The following SPDYA variants were observed in gnomAD, a reference collection of about 807,000 sequenced individuals.
SPDYA encodes speedy protein A.
In SPDYA, 11 loss-of-function variants were observed where a neutral mutation model predicts 36.7. The ratio of observed to expected loss-of-function variants is 0.30; its 90% CI spans 0.19 to 0.50. The LOEUF (loss-of-function observed/expected upper bound fraction) is 0.50. SPDYA is among the 20% of genes least tolerant of loss of function. The pLI is 0.98. For missense variants in SPDYA, 287 were observed against 370.9 expected, an observed-to-expected ratio of 0.77 and a Z score of 1.86; for synonymous variants, 115 against 118.7, an observed-to-expected ratio of 0.97 and a Z score of 0.20.
At chr2:28,848,074 AC>A (rs1175934854) in intron 7 of SPDYA, among the ~76,000 whole-genome samples, 1 of 152,200 alleles carries the variant, frequency 6.6e-6, no homozygotes, top group Non-Finnish European at 1.5e-5. Flanking sequence ...TATGCATTTA[AC>A]AGAATGTACT....
At chr2:28,813,786 A>C (rs2148073604) in intron 1 of SPDYA, among the ~76,000 whole-genome samples, 2 of 152,288 alleles carry the variant, frequency 1.3e-5, no homozygotes. Context: ...TCCTGACCTC[A>C]GGTGATCCGC....
Position 28,849,810 on chromosome 2 carries a change from GATACATAAAATTTATCTTAAA to G in SPDYA, c.851-37_851-17del. On this transcript the variant is annotated intron_variant, in intron 7 of 7. Coordinates refer to ENST00000334056, the MANE Select transcript of SPDYA (RefSeq NM_182756.4). ...TTATAAGATGTATTTAAAATGGACAGATACATAAAATTTATCTTAAAATGCATATTTTATTTCAGTAGTCAA... is the reference window on the plus strand; with the variant it reads ...TTATAAGATGTATTTAAAATGGACAGATGCATATTTTATTTCAGTAGTCAA... 8.4e-7 allele frequency: 1 copy of G among 1,192,872 alleles called. No individual in the cohort carries two copies. Among genetic ancestry groups the G allele is most frequent in the Non-Finnish European group, 1.2e-6 (1 of 830,038 alleles). The allele number at this position is 1,192,872 out of a possible 1,614,324, so 73.9% of individuals were successfully genotyped here.
At chr2:28,819,846 AAAAATATATATATATATATAT>A (rs1223457799) in intron 4 of SPDYA, among the ~76,000 whole-genome samples, 23 of 27,050 alleles carry the variant, frequency 8.5e-4, no homozygotes, top group Non-Finnish European at 1.1e-3. Context: ...AAAAAAAAAA[AAAAATATATATATATATATAT>A]ATATATATAT....
chr2:28,833,846 A>G (rs1373469799), intron 6 of SPDYA, among the ~76,000 whole-genome samples: 1 of 152,212 alleles, frequency 6.6e-6, no homozygotes, highest in Non-Finnish European at 1.5e-5. Flanking sequence ...ATGTAACAAA[A>G]GAAAATATAA....
intron 3 of SPDYA, among the ~76,000 whole-genome samples, chr2:28,817,794 T>C (rs1272957200): frequency 1.5e-5 from 2 of 130,388 alleles, no homozygotes; most frequent in Non-Finnish European, 3.1e-5. Flanking sequence ...GAGGCTACAG[T>C]TGAGCCGAGA....
intron 5 of SPDYA, among the ~76,000 whole-genome samples, chr2:28,824,411 A>G (rs1668261155): frequency 6.6e-6 from 1 of 150,678 alleles, no homozygotes; most frequent in South Asian, 2.1e-4. Context: ...CCAGGAGTTC[A>G]AGGCTGCAGT....
intron 6 of SPDYA, among the ~76,000 whole-genome samples, chr2:28,839,517 T>G (rs1438730720): frequency 2.0e-5 from 3 of 152,230 alleles, no homozygotes; most frequent in African/African-American, 7.2e-5. Context: ...ACTTTTATTT[T>G]TTGAGACGGA....
chr2:28,839,045 G>A (rs1668681392), intron 6 of SPDYA, among the ~76,000 whole-genome samples: 1 of 152,160 alleles, frequency 6.6e-6, no homozygotes. Context: ...CAGTTCCCCA[G>A]CTTGACTTAA....
intron 7 of SPDYA, among the ~76,000 whole-genome samples, chr2:28,841,042 C>CATAATA (rs1668741090): frequency 6.8e-6 from 1 of 146,444 alleles, no homozygotes; most frequent in Admixed American, 7.2e-5. Flanking sequence ...TCGGGTGATT[C>CATAATA]TCATGCCTCA....
intron 6 of SPDYA, among the ~76,000 whole-genome samples, chr2:28,833,225 C>T (rs1422156968): frequency 2.6e-5 from 4 of 152,062 alleles, no homozygotes; most frequent in Admixed American, 2.6e-4. Context: ...CCAGTGTCTT[C>T]CAGCCTTACA....
At chr2:28,822,983 C>G (rs1052511170) in intron 5 of SPDYA, among the ~76,000 whole-genome samples, 2 of 151,654 alleles carry the variant, frequency 1.3e-5, no homozygotes, top group Admixed American at 1.3e-4. Flanking sequence ...TAAATTATCC[C>G]AAATTCTCCT....
At position 28,816,011 on chromosome 2, in the gene SPDYA, CA is replaced by C. The variant is rs761509036; in HGVS notation, c.1del. On this transcript the variant is annotated 5_prime_UTR_variant, in exon 3 of 8. Coordinates refer to ENST00000334056, the MANE Select transcript of SPDYA (RefSeq NM_182756.4). Reference sequence around the variant, plus strand: ...TATTTTTACAGGAATATTGGGAAACCAAAATGAGGCACAATCAGATGTGTTG... The same window carrying C: ...TATTTTTACAGGAATATTGGGAAACCAAATGAGGCACAATCAGATGTGTTG... The C allele has an allele frequency of 6.2e-7, 1 of 1,600,806 alleles. No individual in the cohort carries two copies.
intron 7 of SPDYA, 174 bp downstream of exon 7, chr2:28,840,643 T>C: frequency 7.2e-7 from 1 of 1,385,492 alleles, no homozygotes. Flanking sequence ...ATATTTGTTT[T>C]GTGGTGACCC....
chr2:28,841,285 A>G (rs1454514067), intron 7 of SPDYA, among the ~76,000 whole-genome samples: 1 of 152,142 alleles, frequency 6.6e-6, no homozygotes, highest in Non-Finnish European at 1.5e-5. Context: ...ATTTCTTTAT[A>G]TATTTCATTT....
chr2:28,821,197 C>CTTTTTTTTTTTTTTTTTT (rs11464702), intron 4 of SPDYA, among the ~76,000 whole-genome samples: 2 of 98,832 alleles, frequency 2.0e-5, no homozygotes, highest in Non-Finnish European at 3.8e-5. Flanking sequence ...TTTTCTTTTT[C>CTTTTTTTTTTTTTTTTTT]TTTTTTTTTT....
chr2:28,816,273 T>C (rs1442215724), intron 3 of SPDYA, 24 bp downstream of exon 3: 2 of 1,503,924 alleles, frequency 1.3e-6, no homozygotes, highest in Non-Finnish European at 1.8e-6. Flanking sequence ...ATTGTAATAG[T>C]GGTAATTATA....
chr2:28,837,742 CTTTT>C (rs201687264), intron 6 of SPDYA, among the ~76,000 whole-genome samples: 60 of 132,620 alleles, frequency 4.5e-4, no homozygotes, highest in African/African-American at 1.6e-3. Context: ...AGAGTCAGTG[CTTTT>C]TTTTTTTTTT....
chr2:28,838,798 C>T (rs1033595944), intron 6 of SPDYA, among the ~76,000 whole-genome samples: 1 of 152,024 alleles, frequency 6.6e-6, no homozygotes. Flanking sequence ...ATGGTGAAAC[C>T]CTGTCTCTAC....
intron 2 of SPDYA, 97 bp from the exon 3 acceptor site, chr2:28,815,900 A>G: frequency 1.3e-6 from 1 of 760,190 alleles, no homozygotes; most frequent in Non-Finnish European, 2.0e-6. Flanking sequence ...AAGTTTAGTA[A>G]CATTTTATAT....
Sources: gnomAD v4.1 joint callset for allele counts (sites outside exome capture counted in the v4.1 genomes callset) on GRCh38, gnomAD v4.1.1 for gene constraint, MANE v1.5 for transcripts, NCBI Gene and HGNC (gene_info 2026-07-23, HGNC 2026-07-21) for gene names.